The following ITPR2 variants were observed in gnomAD, a reference collection of about 807,000 sequenced individuals.
The protein encoded by ITPR2 is inositol 1,4,5-trisphosphate-gated calcium channel ITPR2.
A neutral mutation model predicts 317.1 loss-of-function variants in ITPR2; 207 were observed. The observed-to-expected ratio is 0.65, with a 90% CI of 0.58 to 0.73. The LOEUF (loss-of-function observed/expected upper bound fraction) is 0.73. ITPR2 is among the 30% of genes least tolerant of loss of function. The pLI is 0.00. For missense variants in ITPR2, 2,613 were observed against 3,284.0 expected (o/e 0.80, Z 4.99); for synonymous variants, 1,156 against 1,149.1 (o/e 1.01, Z -0.12).
At chr12:26,690,879 G>C (rs905654675) in intron 10 of ITPR2, among the ~76,000 whole-genome samples, 11 of 152,154 alleles carry the variant, frequency 7.2e-5, no homozygotes, top group African/African-American at 2.7e-4. Context: ...TAATTACATA[G>C]GATAAGTAGA....
intron 55 of ITPR2, among the ~76,000 whole-genome samples, chr12:26,346,054 G>A (rs4143001): frequency 0.98 from 148,578 of 152,300 alleles, 72,589 homozygotes; most frequent in Non-Finnish European, 1. Flanking sequence ...GAAGATGTAG[G>A]TTAACTGTTA....
chr12:26,363,015 C>A (rs1397359588), intron 55 of ITPR2, among the ~76,000 whole-genome samples: 1 of 152,196 alleles, frequency 6.6e-6, no homozygotes, highest in Non-Finnish European at 1.5e-5. Flanking sequence ...GGCCCCCAAA[C>A]CCTGGGCCAT....
At chr12:26,494,443 C>A in intron 38 of ITPR2, 103 bp from the exon 39 acceptor site, 1 of 777,278 alleles carries the variant, frequency 1.3e-6, no homozygotes, top group Non-Finnish European at 1.9e-6. Context: ...AAATATTAAT[C>A]ATTGAGATTT....
At chr12:26,356,599 CTGT>C (rs1280614137) in intron 55 of ITPR2, among the ~76,000 whole-genome samples, 1 of 152,178 alleles carries the variant, frequency 6.6e-6, no homozygotes, top group African/African-American at 2.4e-5. Context: ...GTGGAAACAA[CTGT>C]TGATCATGCA....
intron 2 of ITPR2, among the ~76,000 whole-genome samples, chr12:26,731,534 T>C (rs1397503890): frequency 2.6e-5 from 4 of 152,196 alleles, no homozygotes; most frequent in Admixed American, 2.6e-4. Context: ...CAGTGGCTCA[T>C]GCCTATAATC....
chr12:26,811,559 C>G (rs1950747958), intron 1 of ITPR2, among the ~76,000 whole-genome samples: 1 of 151,864 alleles, frequency 6.6e-6, no homozygotes, highest in Non-Finnish European at 1.5e-5. Flanking sequence ...CCCTGGCGGG[C>G]GCCTGTACTC....
intron 16 of ITPR2, among the ~76,000 whole-genome samples, chr12:26,658,613 G>A (rs2136909525): frequency 6.6e-6 from 1 of 152,316 alleles, no homozygotes; most frequent in African/African-American, 2.4e-5. Flanking sequence ...ATTGCCAATT[G>A]GCTTGACTTG....
intron 45 of ITPR2, among the ~76,000 whole-genome samples, chr12:26,470,442 AAG>A (rs1201328198): frequency 2.0e-5 from 3 of 152,346 alleles, no homozygotes; most frequent in East Asian, 1.9e-4. Flanking sequence ...ATGACTGACA[AAG>A]AGTTATTATC....
intron 37 of ITPR2, among the ~76,000 whole-genome samples, chr12:26,507,313 G>C (rs991788661): frequency 1.1e-4 from 17 of 152,314 alleles, no homozygotes; most frequent in Admixed American, 1.1e-3. Context: ...ACCTAGAGAT[G>C]CCTGAGCTAA....
chr12:26,696,741 C>T (rs375766856), intron 9 of ITPR2, among the ~76,000 whole-genome samples: 5 of 152,124 alleles, frequency 3.3e-5, no homozygotes, highest in Admixed American at 6.6e-5. Context: ...AAGCTAGTGG[C>T]CACGTAAACA....
At chr12:26,570,489 A>G (rs1017374318) in intron 34 of ITPR2, among the ~76,000 whole-genome samples, 5 of 152,252 alleles carry the variant, frequency 3.3e-5, no homozygotes, top group African/African-American at 1.2e-4. Flanking sequence ...TATAATGTTT[A>G]TTTAATAGAG....
chr12:26,788,921 G>C (rs1950300898), intron 2 of ITPR2, among the ~76,000 whole-genome samples: 1 of 151,890 alleles, frequency 6.6e-6, no homozygotes, highest in Admixed American at 6.6e-5. Context: ...TTATCTTTTG[G>C]GTCATTTCAC....
chr12:26,749,151 A>C (rs1422089312), intron 2 of ITPR2, among the ~76,000 whole-genome samples: 1 of 152,210 alleles, frequency 6.6e-6, no homozygotes, highest in Non-Finnish European at 1.5e-5. Context: ...TCTACTCTGC[A>C]GTTTGAAAGT....
rs145669827 is a variant in ITPR2, at chr12:26,655,210, C to T, written c.2589+498G>A. Among the ~76,000 whole-genome samples the T allele has an allele frequency of 7.4e-3, 1,129 of 152,110 alleles. 12 individuals carry two copies. Among genetic ancestry groups the T allele is most frequent in the African/African-American group, 0.026 (1,084 of 41,492 alleles). On this transcript the variant is annotated intron_variant, in intron 20 of 56. Transcript: ENST00000381340. ...CAAAACTGCCTTTCTTTATTACATG[C>T]AAAAAATCTTACACAAATGAAACAA...
At chr12:26,744,710 T>C (rs1346916131) in intron 2 of ITPR2, among the ~76,000 whole-genome samples, 1 of 152,250 alleles carries the variant, frequency 6.6e-6, no homozygotes, top group African/African-American at 2.4e-5. Context: ...ATGTGGATTA[T>C]TTTGGATCGC....
chr12:26,617,588 G>GA (rs2136791879), intron 26 of ITPR2, among the ~76,000 whole-genome samples: 1 of 112,510 alleles, frequency 8.9e-6, no homozygotes, highest in African/African-American at 2.6e-5. Flanking sequence ...TAGGAACAGT[G>GA]AAAGAAAGAA....
At chr12:26,384,136 A>G (rs1939598938) in intron 55 of ITPR2, among the ~76,000 whole-genome samples, 1 of 152,226 alleles carries the variant, frequency 6.6e-6, no homozygotes, top group South Asian at 2.1e-4. Flanking sequence ...GGAGCAGAGA[A>G]AGAGAAGAGA....
At chr12:26,365,168 C>A (rs1478918022) in intron 55 of ITPR2, among the ~76,000 whole-genome samples, 1 of 152,100 alleles carries the variant, frequency 6.6e-6, no homozygotes, top group Admixed American at 6.5e-5. Context: ...AAACTCTAGG[C>A]AAGTCAGACA....
At chr12:26,361,099 C>A (rs941149358) in intron 55 of ITPR2, among the ~76,000 whole-genome samples, 2 of 151,910 alleles carry the variant, frequency 1.3e-5, no homozygotes, top group Non-Finnish European at 2.9e-5. Context: ...CCTGTAATCC[C>A]AGCTACTCGG....
Sources: allele counts gnomAD v4.1 joint callset (sites outside exome capture counted in the v4.1 genomes callset), GRCh38; gene constraint gnomAD v4.1.1; transcripts MANE v1.5; gene names NCBI Gene and HGNC (gene_info 2026-07-23, HGNC 2026-07-21).